The following TEK variants were observed in gnomAD, a reference collection of about 807,000 sequenced individuals.
TEK encodes the protein angiopoietin-1 receptor.
In TEK, 43 loss-of-function variants were observed where a neutral mutation model predicts 131.8. The observed-to-expected ratio is 0.33, with a 90% CI of 0.26 to 0.42. The LOEUF (loss-of-function observed/expected upper bound fraction) is 0.42, where lower values mean the gene tolerates loss of function less well. Ranked by LOEUF, TEK falls within the 10% of genes least tolerant of loss-of-function variation. The pLI is 1.00. For missense variants in TEK, 1,162 were observed against 1,384.4 expected (o/e 0.84, Z 2.55); for synonymous variants, 580 against 491.6 (o/e 1.18, Z -2.38).
chr9:27,204,251 G>A (rs1051222198), intron 13 of TEK, among the ~76,000 whole-genome samples: 6 of 152,202 alleles, frequency 3.9e-5, no homozygotes, highest in Non-Finnish European at 7.3e-5. Flanking sequence ...CATGTTCTAT[G>A]TGCTATTGCT....
At chr9:27,168,382 A>G (rs1439207528) in intron 2 of TEK, 113 bp from the exon 3 acceptor site, 13 of 787,364 alleles carry the variant, frequency 1.7e-5, no homozygotes, top group Non-Finnish European at 2.7e-5. Context: ...CCTTCCAAAA[A>G]CCATCTGACA....
Position 27,145,302 on chromosome 9 carries a change from T to C in TEK, c.53-12529T>C, listed in dbSNP as rs199968720. ...GGACTCTTGAAGGAAACACAGGAAC[T>C]CTTCCTTAGCTCTTGATCGGCCTGT... On this transcript the variant is annotated intron_variant, in intron 1 of 22. Transcript: ENST00000380036. Among the ~76,000 whole-genome samples, 359 of 152,332 alleles carry C rather than the reference T, an allele frequency of 2.4e-3. 2 individuals are homozygous for C. The highest frequency in any genetic ancestry group is 8.0e-3 in the African/African-American group (332 of 41,572).
At chr9:27,223,796 G>C (rs1283744271) in intron 21 of TEK, among the ~76,000 whole-genome samples, 1 of 152,072 alleles carries the variant, frequency 6.6e-6, no homozygotes, top group Non-Finnish European at 1.5e-5. Flanking sequence ...ACAGGGACAT[G>C]AAAAACCCTT....
intron 1 of TEK, among the ~76,000 whole-genome samples, chr9:27,126,505 G>A (rs1366902186): frequency 1.3e-5 from 2 of 152,164 alleles, no homozygotes; most frequent in Non-Finnish European, 1.5e-5. Context: ...TGCTTTTGAG[G>A]TTACAAATAA....
chr9:27,214,268 G>A (rs1312253449), intron 18 of TEK, among the ~76,000 whole-genome samples: 1 of 152,248 alleles, frequency 6.6e-6, no homozygotes, highest in African/African-American at 2.4e-5. Context: ...TTACAGCTGT[G>A]TGGATGAAAT....
intron 2 of TEK, among the ~76,000 whole-genome samples, chr9:27,159,330 A>T (rs1823459214): frequency 6.6e-6 from 1 of 152,156 alleles, no homozygotes; most frequent in South Asian, 2.1e-4. Context: ...CTAGGCTCAG[A>T]ATTGTACACT....
At chr9:27,219,697 A>ATGAG (rs894684016) in intron 20 of TEK, among the ~76,000 whole-genome samples, 4 of 152,072 alleles carry the variant, frequency 2.6e-5, no homozygotes, top group African/African-American at 7.3e-5. Flanking sequence ...TTGATAAAAT[A>ATGAG]TGAGTTATAA....
intron 6 of TEK, among the ~76,000 whole-genome samples, chr9:27,173,665 A>G (rs535101707): frequency 3.4e-5 from 5 of 149,112 alleles, no homozygotes; most frequent in African/African-American, 1.2e-4. Context: ...GCTCCCAAGT[A>G]GTTCCGATGT....
At chr9:27,179,032 A>T (rs963493491) in intron 6 of TEK, among the ~76,000 whole-genome samples, 6 of 152,150 alleles carry the variant, frequency 3.9e-5, no homozygotes, top group African/African-American at 1.4e-4. Flanking sequence ...TTATTTCTTC[A>T]AATATTTTGT....
intron 1 of TEK, among the ~76,000 whole-genome samples, chr9:27,156,841 C>T (rs1473235999): frequency 6.6e-6 from 1 of 152,106 alleles, no homozygotes; most frequent in Non-Finnish European, 1.5e-5. Flanking sequence ...TTCTAGTCTC[C>T]TGATTGTTTT....
chr9:27,119,232 T>G (rs12352887), intron 1 of TEK, among the ~76,000 whole-genome samples: 3,526 of 152,246 alleles, frequency 0.023, 132 homozygotes, highest in African/African-American at 0.081. Context: ...TGTGCTGCCT[T>G]CGAACTAGTG....
At chr9:27,125,208 A>G (rs1292829642) in intron 1 of TEK, among the ~76,000 whole-genome samples, 8 of 152,254 alleles carry the variant, frequency 5.3e-5, no homozygotes, top group Admixed American at 3.9e-4. Context: ...GCTCAGCCAC[A>G]TTCAGAAGCC....
At chr9:27,206,351 T>C (rs76439927) in intron 14 of TEK, among the ~76,000 whole-genome samples, 5,557 of 152,320 alleles carry the variant, frequency 0.036, 121 homozygotes, top group Middle Eastern at 0.11. Flanking sequence ...TTTACAGACA[T>C]TGCTAATCAA....
chr9:27,225,262 A>G (rs1390574304), intron 21 of TEK, among the ~76,000 whole-genome samples: 1 of 152,206 alleles, frequency 6.6e-6, no homozygotes, highest in African/African-American at 2.4e-5. Context: ...ATGGAACCAA[A>G]AAAGAGCCTG....
At chr9:27,109,754 C>T (rs1821258851) in intron 1 of TEK, 112 bp downstream of exon 1, 2 of 1,007,222 alleles carry the variant, frequency 2.0e-6, no homozygotes, top group Admixed American at 3.9e-5. Flanking sequence ...GTGGCTGTAG[C>T]AAAGGCACCA....
At chr9:27,166,466 C>G (rs541521428) in intron 2 of TEK, among the ~76,000 whole-genome samples, 2 of 152,140 alleles carry the variant, frequency 1.3e-5, no homozygotes, top group East Asian at 3.9e-4. Context: ...CTTTGAAATT[C>G]TGTTGTTAGA....
chr9:27,150,064 C>T (rs555174547), intron 1 of TEK, among the ~76,000 whole-genome samples: 1 of 152,254 alleles, frequency 6.6e-6, no homozygotes, highest in East Asian at 1.9e-4. Context: ...TTTTAGCCAC[C>T]TCTCCTCAAA....
chr9:27,161,205 A>G (rs1823535118), intron 2 of TEK, among the ~76,000 whole-genome samples: 1 of 152,262 alleles, frequency 6.6e-6, no homozygotes, highest in African/African-American at 2.4e-5. Context: ...TAAATAAGGC[A>G]AAGGCAGACC....
intron 21 of TEK, 130 bp downstream of exon 21, chr9:27,220,275 G>A: frequency 1.3e-6 from 1 of 765,020 alleles, no homozygotes; most frequent in Non-Finnish European, 2.3e-6. Flanking sequence ...ATCCCAAATA[G>A]GAACCCCTCC....
Sources: gnomAD v4.1 joint callset for allele counts (sites outside exome capture counted in the v4.1 genomes callset) on GRCh38, gnomAD v4.1.1 for gene constraint, MANE v1.5 for transcripts, NCBI Gene and HGNC (gene_info 2026-07-23, HGNC 2026-07-21) for gene names.